Variants in STK10 observed in about 807,000 individuals in gnomAD.
The protein encoded by STK10 is serine/threonine kinase 10.
STK10 carries 78 observed loss-of-function variants against 113.8 expected under a neutral mutation model. The ratio of observed to expected loss-of-function variants is 0.69; its 90% confidence interval spans 0.57 to 0.83. The LOEUF (loss-of-function observed/expected upper bound fraction) is 0.83. Ranked by LOEUF, STK10 falls within the 40% of genes least tolerant of loss-of-function variation. The pLI is 0.00. For synonymous variants in STK10, 465 were observed against 494.7 expected, an observed-to-expected ratio of 0.94 and a Z score of 0.80; for missense variants, 1,109 against 1,280.1, an observed-to-expected ratio of 0.87 and a Z score of 2.04.
At chr5:172,130,231 TA>T (rs1201004588) in intron 2 of STK10, among the ~76,000 whole-genome samples, 3 of 152,098 alleles carry the variant, frequency 2.0e-5, no homozygotes, top group Non-Finnish European at 4.4e-5. Context: ...AGGTGGTACT[TA>T]TAAAGACCTA....
At chr5:172,167,168 A>G (rs1431000114) in intron 1 of STK10, among the ~76,000 whole-genome samples, 1 of 151,892 alleles carries the variant, frequency 6.6e-6, no homozygotes, top group Non-Finnish European at 1.5e-5. Flanking sequence ...CAAAAAAAAA[A>G]AAAGAAAAAA....
chr5:172,187,831 CCCTT>C lies in STK10; in HGVS notation c.156+52_156+55del. ...GGCTGGCCGGGTCCGGCTCAGGCAT[CCCTT>C]CCTTCCGGAGCCCCTCGACGCGCGT... is the stretch of plus-strand genomic sequence containing the variant. On this transcript the variant is annotated intron_variant, in intron 1 of 18. Transcript: ENST00000176763. The surrounding 1 kb of genome is among the most constrained non-coding windows in gnomAD (Gnocchi z 4.6). The C allele has an allele frequency of 6.3e-7, 1 of 1,591,238 alleles. No homozygotes were observed. Among genetic ancestry groups the C allele is most frequent in the South Asian group, 1.1e-5 (1 of 88,212 alleles).
chr5:172,048,829 G>GCCC (rs139348531), intron 18 of STK10, among the ~76,000 whole-genome samples: 9 of 151,436 alleles, frequency 5.9e-5, no homozygotes, highest in Admixed American at 5.3e-4. Context: ...CTTTACGCAG[G>GCCC]CCCCCCACCC....
chr5:172,093,581 C>T lies in STK10; in HGVS notation c.1385G>A (p.Gly462Glu). Reference protein sequence around the residue: ...PNSSALETLGGEKLANGSLEP... With the variant: ...PNSSALETLGEEKLANGSLEP... Reference sequence around the variant, plus strand: ...CAGGCTGCCATTGGCCAGCTTCTCCCCACCCAAGGTCTCCAGGGCGCTGCT... The same window carrying T: ...CAGGCTGCCATTGGCCAGCTTCTCCTCACCCAAGGTCTCCAGGGCGCTGCT... The change falls in exon 9 of 19, where the codon GGG becomes GAG. Residue 462 changes from glycine (G) to glutamate (E), a missense_variant. Transcript: ENST00000176763. This position sits in a 1 kb window ranked among gnomAD's most constrained non-coding sequence, Gnocchi z 4.1. 1 of 1,614,240 alleles carries T rather than the reference C, an allele frequency of 6.2e-7. No individual in the cohort carries two copies. Among genetic ancestry groups the T allele is most frequent in the Non-Finnish European group, 8.5e-7 (1 of 1,180,034 alleles).
At chr5:172,154,911 C>A (rs1770316583) in intron 2 of STK10, among the ~76,000 whole-genome samples, 1 of 152,106 alleles carries the variant, frequency 6.6e-6, no homozygotes. Flanking sequence ...AGCAAAAGGC[C>A]AAGCACACAG....
chr5:172,065,412 A>G (rs1157701157), intron 12 of STK10, among the ~76,000 whole-genome samples: 1 of 151,130 alleles, frequency 6.6e-6, no homozygotes, highest in Non-Finnish European at 1.5e-5. Context: ...TTTAGTAGAG[A>G]TGGGGTTTCA....
chr5:172,129,156 A>G (rs1167943505), intron 2 of STK10, among the ~76,000 whole-genome samples: 1 of 152,178 alleles, frequency 6.6e-6, no homozygotes, highest in African/African-American at 2.4e-5. Flanking sequence ...GCTGGGCTAC[A>G]CTAGGGGTAT....
chr5:172,134,894 A>G (rs1163781201), intron 2 of STK10, among the ~76,000 whole-genome samples: 1 of 151,802 alleles, frequency 6.6e-6, no homozygotes, highest in Non-Finnish European at 1.5e-5. Flanking sequence ...ACTGCACGCC[A>G]GCCTGGGAGA....
intron 5 of STK10, 62 bp from the exon 6 acceptor site, chr5:172,106,876 A>G (rs1318985045): frequency 6.6e-7 from 1 of 1,516,178 alleles, no homozygotes; most frequent in Non-Finnish European, 8.9e-7. Context: ...CTTCTTGGAC[A>G]TTCAGGGTCA....
intron 15 of STK10, among the ~76,000 whole-genome samples, chr5:172,056,603 C>T (rs1767765614): frequency 1.3e-5 from 2 of 152,126 alleles, no homozygotes; most frequent in Non-Finnish European, 2.9e-5. Flanking sequence ...CACAGTGGCT[C>T]ACGCCTGTAA....
chr5:172,129,511 T>G (rs1273770824), intron 2 of STK10, among the ~76,000 whole-genome samples: 1 of 152,210 alleles, frequency 6.6e-6, no homozygotes, highest in African/African-American at 2.4e-5. Context: ...CCATGCATGC[T>G]GATCCCGAAC....
intron 2 of STK10, among the ~76,000 whole-genome samples, chr5:172,129,163 G>GTA (rs902570689): frequency 1.3e-5 from 2 of 152,210 alleles, no homozygotes; most frequent in Admixed American, 1.3e-4. Context: ...TACACTAGGG[G>GTA]TATAAGCCGG....
chr5:172,123,270 T>A (rs1011477762), intron 3 of STK10, among the ~76,000 whole-genome samples: 1 of 152,204 alleles, frequency 6.6e-6, no homozygotes, highest in Non-Finnish European at 1.5e-5. Flanking sequence ...GGCTCTGAAC[T>A]TGTCAGCTGT....
chr5:172,109,227 T>C (rs1450477259), intron 4 of STK10, among the ~76,000 whole-genome samples: 1 of 152,164 alleles, frequency 6.6e-6, no homozygotes, highest in Non-Finnish European at 1.5e-5. Context: ...GGAGGAAATA[T>C]ACCACACTAC....
intron 8 of STK10, 110 bp from the exon 9 acceptor site, chr5:172,094,070 G>T: frequency 2.4e-6 from 2 of 819,018 alleles, no homozygotes; most frequent in South Asian, 5.2e-5. Flanking sequence ...GTGGGCCAGC[G>T]CCAAGAAAGG....
chr5:172,187,136 C>T lies in STK10; in HGVS notation c.156+751G>A, dbSNP rs1042081184. On this transcript the variant is annotated intron_variant, in intron 1 of 18. Transcript: ENST00000176763. This position sits in a 1 kb window ranked among gnomAD's most constrained non-coding sequence, Gnocchi z 4.6. ...GGAGCAGAAACCAACGTCCTGCTGCCACACTTCTCTAGACTCAATCAGCTC... is the reference window on the plus strand; with the variant it reads ...GGAGCAGAAACCAACGTCCTGCTGCTACACTTCTCTAGACTCAATCAGCTC... Among the ~76,000 whole-genome samples, 1 of 152,162 alleles carries T rather than the reference C, an allele frequency of 6.6e-6. No individual in the cohort carries two copies. Among genetic ancestry groups the T allele is most frequent in the Non-Finnish European group, 1.5e-5 (1 of 68,038 alleles).
intron 2 of STK10, among the ~76,000 whole-genome samples, chr5:172,147,230 T>C (rs1356450369): frequency 6.6e-6 from 1 of 152,110 alleles, no homozygotes; most frequent in African/African-American, 2.4e-5. Flanking sequence ...TCCAGGAAGC[T>C]CCACCTGGTC....
intron 2 of STK10, among the ~76,000 whole-genome samples, chr5:172,129,162 G>C (rs1011865731): frequency 1.3e-5 from 2 of 152,210 alleles, no homozygotes; most frequent in Non-Finnish European, 2.9e-5. Context: ...CTACACTAGG[G>C]GTATAAGCCG....
chr5:172,051,846 G>T (rs145126103), intron 18 of STK10, among the ~76,000 whole-genome samples: 1 of 152,206 alleles, frequency 6.6e-6, no homozygotes, highest in African/African-American at 2.4e-5. Flanking sequence ...TGCCAGCAGC[G>T]GCTGCAGTGG....
Sources: allele counts gnomAD v4.1 joint callset (sites outside exome capture counted in the v4.1 genomes callset), GRCh38; gene constraint gnomAD v4.1.1; non-coding constraint Gnocchi (gnomAD v3.1); transcripts MANE v1.5; gene names NCBI Gene and HGNC (gene_info 2026-07-23, HGNC 2026-07-21).